Variants in CRTAC1 observed in about 807,000 individuals in gnomAD.
The protein encoded by CRTAC1 is acidic secreted protein in cartilage.
A neutral mutation model predicts 67.8 loss-of-function variants in CRTAC1; 37 were observed. That is an observed-to-expected ratio of 0.55 (90% CI 0.42 to 0.72). The LOEUF (loss-of-function observed/expected upper bound fraction) is 0.72. Among genes scored for constraint, CRTAC1 ranks in the 30% least tolerant of loss-of-function variants. CRTAC1 has a pLI of 0.00. For synonymous variants in CRTAC1, 348 were observed against 371.0 expected (o/e 0.94, Z 0.71); for missense variants, 780 against 931.6 (o/e 0.84, Z 2.12).
chr10:97,921,791 C>G (rs1218757499), intron 4 of CRTAC1, among the ~76,000 whole-genome samples: 2 of 152,130 alleles, frequency 1.3e-5, no homozygotes, highest in Non-Finnish European at 2.9e-5. Flanking sequence ...GCAGACTGAC[C>G]ATAGGGCTTC....
chr10:97,933,244 A>G (rs568686974), intron 3 of CRTAC1, among the ~76,000 whole-genome samples: 9 of 152,358 alleles, frequency 5.9e-5, no homozygotes, highest in African/African-American at 2.2e-4. Flanking sequence ...ACTAAAACCG[A>G]CAGACATCCC....
At chr10:97,957,243 G>T (rs1306093302) in intron 2 of CRTAC1, among the ~76,000 whole-genome samples, 1 of 152,148 alleles carries the variant, frequency 6.6e-6, no homozygotes, top group Non-Finnish European at 1.5e-5. Context: ...AGACTTCTTA[G>T]AATGAAGAGG....
At chr10:98,017,715 T>G (rs1383211522) in intron 1 of CRTAC1, among the ~76,000 whole-genome samples, 1 of 150,896 alleles carries the variant, frequency 6.6e-6, no homozygotes, top group Non-Finnish European at 1.5e-5. Flanking sequence ...TTTTTTTTTT[T>G]TGGTGGAGAT....
At position 97,890,090 on chromosome 10, in the gene CRTAC1, T is replaced by TACACACACACAC. The variant is rs56001448; in HGVS notation, c.1486+5143_1486+5154dup. On this transcript the variant is annotated intron_variant, in intron 11 of 14. Transcript: ENST00000370597. ...GACTTGGTATGCTGTCCAGGATGTG[T>TACACACACACAC]ACACACACACACACACACACACACA... Among the ~76,000 whole-genome samples the TACACACACACAC allele has an allele frequency of 1.8e-3, 273 of 150,464 alleles. 1 individual carries two copies. Among genetic ancestry groups the TACACACACACAC allele is most frequent in the South Asian group, 0.013 (60 of 4,742 alleles).
Position 97,908,057 on chromosome 10 carries a change from T to C in CRTAC1, c.806A>G (p.His269Arg), listed in dbSNP as rs1264448471. The C allele has an allele frequency of 1.2e-6, 2 of 1,614,014 alleles. No homozygotes were observed. The highest frequency in any genetic ancestry group is 1.7e-6 in the Non-Finnish European group (2 of 1,180,022). Residue 269 changes from histidine (H) to arginine (R), a missense_variant, in exon 6 of 15, where the codon CAC (histidine) becomes CGC (arginine). Transcript: ENST00000370597. ...DNENGPNFLFHNRGDGTFVDA... is the reference protein window; with the variant it reads ...DNENGPNFLFRNRGDGTFVDA... ...CACAAAGGTGCCATCGCCCCGGTTGTGGAAAAGGAAGTTAGGCCCATTCTC... is the reference window on the plus strand; with the variant it reads ...CACAAAGGTGCCATCGCCCCGGTTGCGGAAAAGGAAGTTAGGCCCATTCTC...
intron 2 of CRTAC1, among the ~76,000 whole-genome samples, chr10:97,995,937 G>A (rs2136677722): frequency 6.6e-6 from 1 of 152,142 alleles, no homozygotes; most frequent in South Asian, 2.1e-4. Flanking sequence ...GAGGTGGGTG[G>A]ATCACAAAGT....
intron 8 of CRTAC1, among the ~76,000 whole-genome samples, chr10:97,900,759 G>A (rs2050525188): frequency 1.7e-5 from 2 of 118,786 alleles, no homozygotes; most frequent in African/African-American, 7.3e-5. Flanking sequence ...GGTAGTGATT[G>A]GAGCCCGTAG....
At chr10:97,961,564 G>C (rs1212082339) in intron 2 of CRTAC1, among the ~76,000 whole-genome samples, 3 of 152,236 alleles carry the variant, frequency 2.0e-5, no homozygotes, top group African/African-American at 7.2e-5. Context: ...GACTCAGCAT[G>C]TGAACAGGGA....
intron 2 of CRTAC1, among the ~76,000 whole-genome samples, chr10:97,961,272 A>G (rs1412300759): frequency 1.3e-5 from 2 of 151,878 alleles, no homozygotes; most frequent in African/African-American, 4.8e-5. Flanking sequence ...TCTCTTAACA[A>G]CATGATATTC....
chr10:98,013,623 G>A (rs1450721501), intron 1 of CRTAC1, among the ~76,000 whole-genome samples: 1 of 152,096 alleles, frequency 6.6e-6, no homozygotes, highest in Non-Finnish European at 1.5e-5. Context: ...CCAAAATAAA[G>A]GTTTGGAGTT....
intron 3 of CRTAC1, among the ~76,000 whole-genome samples, chr10:97,928,666 G>T (rs543674469): frequency 1.3e-5 from 2 of 152,156 alleles, no homozygotes; most frequent in South Asian, 2.1e-4. Flanking sequence ...TGGAAGAGTC[G>T]CTGTGATCAG....
intron 11 of CRTAC1, among the ~76,000 whole-genome samples, chr10:97,888,145 G>A (rs1793586811): frequency 6.6e-6 from 1 of 152,282 alleles, no homozygotes; most frequent in African/African-American, 2.4e-5. Flanking sequence ...CATATACCAA[G>A]CTTTGTGCAG....
intron 11 of CRTAC1, among the ~76,000 whole-genome samples, chr10:97,886,732 C>G (rs933958720): frequency 1.3e-5 from 2 of 151,628 alleles, no homozygotes; most frequent in Non-Finnish European, 1.5e-5. Flanking sequence ...GCAACCTCCC[C>G]CTCCCAGGTT....
rs528688961 is a variant in CRTAC1 at position 98,018,149 on chromosome 10, G to A, written c.25-6812C>T. On this transcript the variant is annotated intron_variant, in intron 1 of 14. Transcript: ENST00000370597. ...CAGGAGGCGGAGGTTGCAGCAGTGA[G>A]CCAAGATTGTGCACTGCATTCCAGT... is the stretch of plus-strand genomic sequence containing the variant. 3.8e-5 allele frequency among the ~76,000 whole-genome samples: 5 copies of A among 131,662 alleles called. No individual in the cohort carries two copies. The East Asian group carries it at 1.3e-3, about 34-fold the overall frequency. The allele number at this position is 131,662 out of a possible 152,430, so 86.4% of individuals were successfully genotyped here.
chr10:97,936,199 T>C lies in CRTAC1; in HGVS notation c.392A>G (p.Tyr131Cys), dbSNP rs1243655677. The C allele has an allele frequency of 2.5e-6, 4 of 1,613,040 alleles. No homozygotes were observed. The highest frequency in any genetic ancestry group is 8.5e-7 in the Non-Finnish European group (1 of 1,179,486). The change falls in exon 3 of 15, where the codon TAC becomes TGC. Residue 131 changes from tyrosine to cysteine, a missense_variant. Physicochemically the swap from Tyr to Cys is radical, Grantham distance 194 (BLOSUM62 -2). Coordinates refer to ENST00000370597, the MANE Select transcript of CRTAC1 (RefSeq NM_018058.7). ...GAAGGCATTATTGGTGTTGAGGAAGTAGATCTCCTCCCGGCCGTCCCCGTC... is the reference window on the plus strand; with the variant it reads ...GAAGGCATTATTGGTGTTGAGGAAGCAGATCTCCTCCCGGCCGTCCCCGTC... Reference protein sequence around the residue: ...DIDGDGREEIYFLNTNNAFSG... With the variant: ...DIDGDGREEICFLNTNNAFSG...
chr10:97,893,110 C>T (rs11189420), intron 11 of CRTAC1, among the ~76,000 whole-genome samples: 29,800 of 152,076 alleles, frequency 0.2, 2,974 homozygotes, highest in African/African-American at 0.23. Context: ...GATAATATTG[C>T]TCATCTCACA....
At chr10:97,896,061 A>G (rs2050454636) in intron 9 of CRTAC1, 76 bp from the exon 10 acceptor site, 4 of 1,305,426 alleles carry the variant, frequency 3.1e-6, no homozygotes, top group Non-Finnish European at 4.4e-6. Flanking sequence ...AACCAAGTGC[A>G]GTATCCACAG....
intron 1 of CRTAC1, among the ~76,000 whole-genome samples, chr10:98,014,343 C>T (rs370468499): frequency 6.6e-6 from 1 of 152,162 alleles, no homozygotes; most frequent in African/African-American, 2.4e-5. Flanking sequence ...AGAAACACTG[C>T]TCAATCTTGG....
intron 4 of CRTAC1, among the ~76,000 whole-genome samples, chr10:97,920,954 G>A (rs2050828182): frequency 6.6e-6 from 1 of 152,340 alleles, no homozygotes; most frequent in Admixed American, 6.5e-5. Flanking sequence ...GGTGAGAAAG[G>A]ACAAGTGGAT....
Sources: gnomAD v4.1 joint callset for allele counts (sites outside exome capture counted in the v4.1 genomes callset) on GRCh38, gnomAD v4.1.1 for gene constraint, MANE v1.5 for transcripts, NCBI Gene and HGNC (gene_info 2026-07-23, HGNC 2026-07-21) for gene names.